Variants in DTNB observed in about 807,000 individuals in gnomAD.
DTNB encodes the protein dystrobrevin beta.
DTNB carries 63 observed loss-of-function variants against 90.7 expected under a neutral mutation model. That is an observed-to-expected ratio of 0.69 (90% CI 0.57 to 0.86). The LOEUF (loss-of-function observed/expected upper bound fraction) is 0.86, where lower values mean the gene tolerates loss of function less well. DTNB is among the 40% of genes least tolerant of loss of function. The probability of loss-of-function intolerance (pLI) is 0.00; values close to 1 mark genes in which losing one functional copy is unlikely to be tolerated. For synonymous variants in DTNB, 277 were observed against 286.7 expected (o/e 0.97, Z 0.34); for missense variants, 744 against 807.1 (o/e 0.92, Z 0.95).
In DTNB at chr2:25,387,728, C is replaced by T. The variant is rs2039913754; in HGVS notation, c.1736-350G>A. 6.6e-6 allele frequency among the ~76,000 whole-genome samples: 1 copy of T among 152,178 alleles called. No individual in the cohort carries two copies. Among genetic ancestry groups the T allele is most frequent in the Non-Finnish European group, 1.5e-5 (1 of 68,022 alleles). On this transcript the variant is annotated intron_variant, in intron 17 of 20. Coordinates refer to ENST00000406818, the MANE Select transcript of DTNB (RefSeq NM_021907.5). This position sits in a 1 kb window ranked among gnomAD's most constrained non-coding sequence, Gnocchi z 4.5. ...TCTCCACAACCACCACTACCACCTC[C>T]CCTTCTCACCTCCAGCCCCAGCAGG...
At chr2:25,557,831 T>C (rs2057619982) in intron 8 of DTNB, among the ~76,000 whole-genome samples, 1 of 152,212 alleles carries the variant, frequency 6.6e-6, no homozygotes, top group Non-Finnish European at 1.5e-5. Context: ...GATGTAATTA[T>C]CTACTTGGAA....
chr2:25,452,450 C>A (rs1053892676), intron 11 of DTNB, among the ~76,000 whole-genome samples: 2 of 152,178 alleles, frequency 1.3e-5, no homozygotes, highest in African/African-American at 4.8e-5. Flanking sequence ...CTATATAATT[C>A]TCTGTTTAGG....
At chr2:25,453,651 G>T (rs2059591302) in intron 11 of DTNB, among the ~76,000 whole-genome samples, 1 of 152,132 alleles carries the variant, frequency 6.6e-6, no homozygotes, top group East Asian at 1.9e-4. Flanking sequence ...GCTCACTCTG[G>T]ACAATTGCCT....
intron 8 of DTNB, among the ~76,000 whole-genome samples, chr2:25,576,221 G>GTTTT (rs57969480): frequency 5.0e-4 from 49 of 97,530 alleles, no homozygotes; most frequent in African/African-American, 8.9e-4. Context: ...GAACAGTTTT[G>GTTTT]TTTTTTTTTT....
intron 5 of DTNB, among the ~76,000 whole-genome samples, chr2:25,601,387 C>T (rs1237890066): frequency 6.6e-6 from 1 of 152,128 alleles, no homozygotes; most frequent in Non-Finnish European, 1.5e-5. Context: ...AGCTTTCTCC[C>T]TTGTGAAAAA....
intron 5 of DTNB, 104 bp downstream of exon 5, chr2:25,607,132 A>G: frequency 7.8e-7 from 1 of 1,275,832 alleles, no homozygotes; most frequent in Non-Finnish European, 1.1e-6. Flanking sequence ...TGACATGGTA[A>G]TTTTTTTAAA....
intron 8 of DTNB, among the ~76,000 whole-genome samples, chr2:25,569,966 G>A (rs561836924): frequency 2.6e-5 from 4 of 151,948 alleles, no homozygotes; most frequent in East Asian, 3.9e-4. Flanking sequence ...GCGTGGTGGC[G>A]GGCGCCTGTA....
At chr2:25,543,669 G>A (rs1249368128) in intron 8 of DTNB, among the ~76,000 whole-genome samples, 3 of 152,066 alleles carry the variant, frequency 2.0e-5, no homozygotes, top group Admixed American at 6.5e-5. Flanking sequence ...TGAATTTACT[G>A]ATTAGTAATA....
intron 9 of DTNB, among the ~76,000 whole-genome samples, chr2:25,519,646 TGAGCATTTC>T (rs1460800490): frequency 6.6e-6 from 1 of 152,156 alleles, no homozygotes; most frequent in Non-Finnish European, 1.5e-5. Flanking sequence ...GATGCACCAG[TGAGCATTTC>T]CTTGGACTGT....
At chr2:25,501,477 T>C (rs113814833) in intron 9 of DTNB, among the ~76,000 whole-genome samples, 107 of 152,222 alleles carry the variant, frequency 7.0e-4, no homozygotes, top group Middle Eastern at 6.8e-3. Context: ...CCTCCCAGGC[T>C]TAAACGATTC....
In DTNB at chr2:25,596,084, AC is replaced by A. The variant is rs2064558422; in HGVS notation, c.603+1del. 2 of 1,601,298 alleles carry A rather than the reference AC, an allele frequency of 1.2e-6. No homozygotes were observed. Among genetic ancestry groups the A allele is most frequent in the Non-Finnish European group, 1.7e-6 (2 of 1,175,758 alleles). ...CCCTAGATTCTATAAAACTGTCCTT[AC>A]CTGCTGTGGAAAACAGGTGCGGACT... is the stretch of plus-strand genomic sequence containing the variant. On this transcript the variant is annotated splice_donor_variant, in intron 6 of 20. Transcript: ENST00000406818. LOFTEE classifies it high-confidence loss of function.
chr2:25,664,016 T>C (rs1298837750), intron 1 of DTNB, among the ~76,000 whole-genome samples: 2 of 152,224 alleles, frequency 1.3e-5, no homozygotes, highest in African/African-American at 4.8e-5. Flanking sequence ...CATCAATAAG[T>C]CTGTCTTTAT....
intron 12 of DTNB, among the ~76,000 whole-genome samples, chr2:25,442,174 A>G (rs575295615): frequency 6.6e-4 from 101 of 152,374 alleles, no homozygotes; most frequent in Non-Finnish European, 1.1e-3. Flanking sequence ...CTGAAAGAGT[A>G]AAGTACTGGT....
At chr2:25,552,841 A>ATTT (rs544243784) in intron 8 of DTNB, among the ~76,000 whole-genome samples, 32 of 86,034 alleles carry the variant, frequency 3.7e-4, no homozygotes, top group Non-Finnish European at 6.2e-4. Context: ...TCTCTTTTTG[A>ATTT]TTTTTTTTTT....
In DTNB at chr2:25,387,375, G is replaced by T; in HGVS notation, c.1739C>A (p.Thr580Lys). 1 of 1,611,650 alleles carries T rather than the reference G, an allele frequency of 6.2e-7. No individual in the cohort carries two copies. The highest frequency in any genetic ancestry group is 8.5e-7 in the Non-Finnish European group (1 of 1,178,660). Residue 580 changes from threonine (T) to lysine (K), a missense_variant, in exon 18 of 21, where the codon ACG (threonine) becomes AAG (lysine). By Grantham distance (78) the Thr-to-Lys change is moderately conservative. Coordinates refer to ENST00000406818, the MANE Select transcript of DTNB (RefSeq NM_021907.5). This position sits in a 1 kb window ranked among gnomAD's most constrained non-coding sequence, Gnocchi z 4.5. The part of the protein sequence containing the change: ...GDVQEAFAQG[T>K]RRNLRNDLLV... ...CAGGTCATTGCGGAGGTTTCTCCTC[G>T]TACCTGAGGAGAGGCAGAGCAGATG...
intron 3 of DTNB, 22 bp from the exon 4 acceptor site, chr2:25,628,406 C>T: frequency 6.2e-7 from 1 of 1,601,132 alleles, no homozygotes; most frequent in Non-Finnish European, 8.5e-7. Context: ...AGAAAATAAA[C>T]TGTCAACAAT....
chr2:25,472,123 T>C (rs1308707407), intron 10 of DTNB, among the ~76,000 whole-genome samples: 2 of 152,190 alleles, frequency 1.3e-5, no homozygotes, highest in Non-Finnish European at 2.9e-5. Context: ...AATTTGTTTT[T>C]GGCCCAAGCC....
At position 25,628,129 on chromosome 2, in the gene DTNB, T is replaced by G. The variant is rs758162440; in HGVS notation, c.362+42A>C. On this transcript the variant is annotated intron_variant, in intron 4 of 20. Transcript: ENST00000406818. Reference sequence around the variant, plus strand: ...AAGAAGAATGATTCAGAGACAGGTGTTCTTAAAATGAAGTAAGCGTGTAAG... The same window carrying G: ...AAGAAGAATGATTCAGAGACAGGTGGTCTTAAAATGAAGTAAGCGTGTAAG... 20 of 1,585,822 alleles carry G rather than the reference T, an allele frequency of 1.3e-5. No individual in the cohort carries two copies. The South Asian group carries it at 2.1e-4, about 17-fold the overall frequency.
intron 9 of DTNB, among the ~76,000 whole-genome samples, chr2:25,529,505 C>CA (rs528466102): frequency 7.4e-4 from 105 of 141,996 alleles, no homozygotes; most frequent in Admixed American, 1.2e-3. Flanking sequence ...ACAGATTTAA[C>CA]AAAAAAAAAA....
Sources: allele counts gnomAD v4.1 joint callset (sites outside exome capture counted in the v4.1 genomes callset), GRCh38; gene constraint gnomAD v4.1.1; non-coding constraint Gnocchi (gnomAD v3.1); transcripts MANE v1.5; gene names NCBI Gene and HGNC (gene_info 2026-07-23, HGNC 2026-07-21).